SPOPL: variants seen among roughly 807,000 people sequenced by gnomAD.
SPOPL encodes speckle type BTB/POZ protein like.
Under a neutral mutation model 53.8 loss-of-function variants are expected in SPOPL, and 23 were observed. The ratio of observed to expected loss-of-function variants is 0.43; its 90% CI spans 0.31 to 0.61. The LOEUF (loss-of-function observed/expected upper bound fraction) is 0.61. SPOPL is among the 20% of genes least tolerant of loss of function. The pLI, the probability that SPOPL is intolerant of heterozygous loss-of-function variation, is 0.12. For missense variants in SPOPL, 442 were observed against 466.9 expected (o/e 0.95, Z 0.49); for synonymous variants, 164 against 149.7 (o/e 1.10, Z -0.70).
chr2:138,552,131 C>A (rs1286879640), intron 4 of SPOPL, among the ~76,000 whole-genome samples: 1 of 151,900 alleles, frequency 6.6e-6, no homozygotes, highest in African/African-American at 2.4e-5. Flanking sequence ...TTAGAACATC[C>A]ATTTTTGAAG....
chr2:138,536,637 C>T (rs1323110364), intron 1 of SPOPL, among the ~76,000 whole-genome samples: 1 of 152,138 alleles, frequency 6.6e-6, no homozygotes, highest in Non-Finnish European at 1.5e-5. Flanking sequence ...CTCCTCTCAG[C>T]TGTGTCTTTT....
In SPOPL at chr2:138,569,169, G is replaced by C; in HGVS notation, c.*89G>C. 1 of 1,420,186 alleles carries C rather than the reference G, an allele frequency of 7.0e-7. No individual in the cohort carries two copies. Among genetic ancestry groups the C allele is most frequent in the East Asian group, 2.3e-5 (1 of 42,928 alleles). The allele number at this position is 1,420,186 out of a possible 1,614,324, so 88.0% of individuals were successfully genotyped here. A position where few individuals can be genotyped will look rare whatever the true frequency, so the allele number is the denominator to read the frequency against. ...AATACACAAACCATAAGCAAGAGTT[G>C]TTTCTGTTATTTTGTCCACAGAACA... is the stretch of plus-strand genomic sequence containing the variant. On this transcript the variant is annotated 3_prime_UTR_variant, in exon 11 of 11. Coordinates refer to ENST00000280098, the MANE Select transcript of SPOPL (RefSeq NM_001001664.3).
intron 1 of SPOPL, among the ~76,000 whole-genome samples, chr2:138,540,014 A>G (rs774177621): frequency 6.6e-6 from 1 of 152,146 alleles, no homozygotes; most frequent in Non-Finnish European, 1.5e-5. Context: ...TCCTGTCCCC[A>G]TTTCTTGTTT....
intron 1 of SPOPL, among the ~76,000 whole-genome samples, chr2:138,549,322 G>C (rs985988154): frequency 6.6e-6 from 1 of 151,886 alleles, no homozygotes; most frequent in Non-Finnish European, 1.5e-5. Flanking sequence ...TTAAAGTCTT[G>C]TTTTGTCTGT....
chr2:138,564,100 T>G (rs1327749621), intron 8 of SPOPL, among the ~76,000 whole-genome samples: 1 of 152,064 alleles, frequency 6.6e-6, no homozygotes, highest in Non-Finnish European at 1.5e-5. Context: ...TCACCTAGGG[T>G]GGGGCAAGAG....
chr2:138,509,468 T>G (rs1684283021), intron 1 of SPOPL, among the ~76,000 whole-genome samples: 1 of 152,224 alleles, frequency 6.6e-6, no homozygotes, highest in South Asian at 2.1e-4. Context: ...TTATATTTAT[T>G]GACAAAGAAA....
At chr2:138,520,112 AG>A (rs1684524851) in intron 1 of SPOPL, among the ~76,000 whole-genome samples, 1 of 152,246 alleles carries the variant, frequency 6.6e-6, no homozygotes, top group South Asian at 2.1e-4. Flanking sequence ...ATGTTACTAT[AG>A]TTTATAAACT....
chr2:138,558,122 C>G (rs1202981254), intron 5 of SPOPL, among the ~76,000 whole-genome samples: 1 of 152,156 alleles, frequency 6.6e-6, no homozygotes, highest in African/African-American at 2.4e-5. Context: ...GATCACTCCA[C>G]TGCACTCTAG....
In SPOPL at chr2:138,568,992, C is replaced by A. The variant is rs777104665; in HGVS notation, c.1091C>A (p.Pro364His). The part of the protein sequence containing the change: ...SGWKSMIQSH[P>H]HLVAEAFRAL... Reference sequence around the variant, plus strand: ...TGGAAGTCCATGATTCAGTCTCACCCTCATTTAGTAGCAGAAGCCTTTCGA... The same window carrying A: ...TGGAAGTCCATGATTCAGTCTCACCATCATTTAGTAGCAGAAGCCTTTCGA... The change falls in exon 11 of 11, where the codon CCT (proline) becomes CAT (histidine). Residue 364 changes from proline (P) to histidine (H), a missense_variant. By Grantham distance (77) the Pro-to-His change is moderately conservative. Coordinates refer to ENST00000280098, the MANE Select transcript of SPOPL (RefSeq NM_001001664.3). 14 of 1,614,040 alleles carry A rather than the reference C, an allele frequency of 8.7e-6. No individual in the cohort carries two copies. Among genetic ancestry groups the A allele is most frequent in the Non-Finnish European group, 1.2e-5 (14 of 1,179,932 alleles).
chr2:138,561,031 G>T, intron 8 of SPOPL, 104 bp downstream of exon 8: 1 of 1,354,590 alleles, frequency 7.4e-7, no homozygotes. Flanking sequence ...TTTGTAGATG[G>T]CTCTTGAGAG....
chr2:138,528,486 G>A (rs1441853147), intron 1 of SPOPL, among the ~76,000 whole-genome samples: 1 of 152,020 alleles, frequency 6.6e-6, no homozygotes, highest in East Asian at 1.9e-4. Context: ...GTTGTTATTG[G>A]TTTATTTTTT....
At chr2:138,554,453 CT>C in intron 5 of SPOPL, 1 of 1,267,002 alleles carries the variant, frequency 7.9e-7, no homozygotes, top group Non-Finnish European at 1.0e-6. Flanking sequence ...TCCAGCACTG[CT>C]TGCAGAAGAG....
intron 5 of SPOPL, among the ~76,000 whole-genome samples, chr2:138,557,974 C>T (rs1319106450): frequency 1.3e-5 from 2 of 152,038 alleles, no homozygotes; most frequent in African/African-American, 4.8e-5. Context: ...GCCTGGCCAA[C>T]ATGGTGAAAT....
At chr2:138,536,539 G>A (rs537217006) in intron 1 of SPOPL, among the ~76,000 whole-genome samples, 1 of 152,326 alleles carries the variant, frequency 6.6e-6, no homozygotes, top group East Asian at 1.9e-4. Context: ...GGGGCATTAT[G>A]TTGTTCTGCA....
intron 1 of SPOPL, among the ~76,000 whole-genome samples, chr2:138,548,101 C>A (rs1327879125): frequency 6.6e-6 from 1 of 152,054 alleles, no homozygotes; most frequent in Non-Finnish European, 1.5e-5. Context: ...AAAGCCTTAT[C>A]CCCAGTATAG....
chr2:138,552,060 A>G (rs1384061544), intron 4 of SPOPL, among the ~76,000 whole-genome samples: 1 of 152,008 alleles, frequency 6.6e-6, no homozygotes, highest in African/African-American at 2.4e-5. Context: ...GGATTTTTCT[A>G]TAGTTGAATA....
chr2:138,547,744 C>T (rs1243759944), intron 1 of SPOPL, among the ~76,000 whole-genome samples: 4 of 152,216 alleles, frequency 2.6e-5, no homozygotes, highest in East Asian at 1.9e-4. Flanking sequence ...ATGTATTTGA[C>T]GTTATCACTG....
intron 1 of SPOPL, among the ~76,000 whole-genome samples, chr2:138,536,342 CCCCCCACA>C (rs1393440598): frequency 3.9e-5 from 3 of 76,694 alleles, no homozygotes; most frequent in Non-Finnish European, 7.6e-5. Flanking sequence ...TTAGTGCCCC[CCCCCCACA>C]CACACACACA....
At chr2:138,561,114 C>G (rs920787135) in intron 8 of SPOPL, among the ~76,000 whole-genome samples, 187 bp downstream of exon 8, 6 of 152,052 alleles carry the variant, frequency 3.9e-5, no homozygotes, top group African/African-American at 1.4e-4. Flanking sequence ...GTGAAAGTAT[C>G]TTGAGCCAGA....
Sources: gnomAD v4.1 joint callset for allele counts (sites outside exome capture counted in the v4.1 genomes callset) on GRCh38, gnomAD v4.1.1 for gene constraint, MANE v1.5 for transcripts, NCBI Gene and HGNC (gene_info 2026-07-23, HGNC 2026-07-21) for gene names.